Variants in MYO5A observed in about 807,000 individuals in gnomAD.
MYO5A encodes the protein myosin VA, also known as unconventional myosin-Va.
MYO5A carries 98 observed loss-of-function variants against 249.7 expected under a neutral mutation model. That is an observed-to-expected ratio of 0.39 (90% CI 0.33 to 0.46). MYO5A has a LOEUF of 0.46. Ranked by LOEUF, MYO5A falls within the 20% of genes least tolerant of loss-of-function variation. The pLI is 0.98. For missense variants in MYO5A, 1,696 were observed against 2,308.8 expected, an observed-to-expected ratio of 0.73 and a Z score of 5.44; for synonymous variants, 778 against 810.6, an observed-to-expected ratio of 0.96 and a Z score of 0.68.
intron 1 of MYO5A, among the ~76,000 whole-genome samples, chr15:52,468,985 C>T (rs1013957098): frequency 6.6e-6 from 1 of 152,022 alleles, no homozygotes; most frequent in African/African-American, 2.4e-5. Flanking sequence ...TTAAAATATA[C>T]ATATCCTTGA....
chr15:52,464,449 G>C (rs1300747477), intron 1 of MYO5A, among the ~76,000 whole-genome samples: 1 of 152,010 alleles, frequency 6.6e-6, no homozygotes, highest in Non-Finnish European at 1.5e-5. Context: ...CACTCTTCTG[G>C]TCTCAGTTTA....
chr15:52,452,389 C>T (rs1464965), intron 1 of MYO5A, among the ~76,000 whole-genome samples: 22,847 of 152,134 alleles, frequency 0.15, 1,827 homozygotes, highest in Middle Eastern at 0.22. Flanking sequence ...TTCCCTGCCA[C>T]CTTGGGTTAC....
In MYO5A at chr15:52,321,492, G is replaced by A. The variant is rs1305055721; in HGVS notation, c.4818C>T (p.Asn1606=). 1.2e-6 allele frequency: 2 copies of A among 1,614,094 alleles called. No individual in the cohort carries two copies. Among genetic ancestry groups the A allele is most frequent in the Non-Finnish European group, 1.7e-6 (2 of 1,180,046 alleles). The part of the protein sequence containing the change: ...YSGEEGFMKH[N]TSRQNEHCLT... ...GGCAGTGTTCATTCTGGCGAGATGT[G>A]TTGTGCTTCATAAAGCCCTAGAGTC... is the stretch of plus-strand genomic sequence containing the variant. The change falls in exon 38 of 42, where the codon AAC becomes AAT. Residue 1606 remains asparagine (N), a synonymous_variant. Transcript: ENST00000399233.
intron 9 of MYO5A, among the ~76,000 whole-genome samples, chr15:52,399,743 G>A (rs1426074159): frequency 2.0e-5 from 3 of 152,068 alleles, no homozygotes; most frequent in Non-Finnish European, 2.9e-5. Context: ...GTGATGCTGA[G>A]ATTTGGAGTA....
At position 52,428,366 on chromosome 15, in the gene MYO5A, C is replaced by T. The variant is rs752009773; in HGVS notation, c.310+32G>A. Reference sequence around the variant, plus strand: ...GCTATGTCCATTAGAGGAAAGAGTCCACAGTCTATTCGGAAAGCAAAGCAT... The same window carrying T: ...GCTATGTCCATTAGAGGAAAGAGTCTACAGTCTATTCGGAAAGCAAAGCAT... On this transcript the variant is annotated intron_variant, in intron 3 of 41. Coordinates refer to ENST00000399233, the MANE Select transcript of MYO5A (RefSeq NM_001382347.1). 8 of 1,595,472 alleles carry T rather than the reference C, an allele frequency of 5.0e-6. No homozygotes were observed. In the African/African-American group the frequency reaches 5.4e-5, roughly 11 times the overall value.
In MYO5A at chr15:52,500,337, T is replaced by G. The variant is rs556341249; in HGVS notation, c.27+28443A>C. ...TTGGAGAAATGTCTATTCAAATCCT[T>G]TGCCCATTTTTTTTTTTTTTTTTTT... On this transcript the variant is annotated intron_variant, in intron 1 of 41. Transcript: ENST00000399233. Among the ~76,000 whole-genome samples the G allele has an allele frequency of 3.4e-5, 4 of 118,392 alleles. No individual in the cohort carries two copies. The South Asian group carries it at 1.2e-3, about 36-fold the overall frequency. 77.7% of individuals were successfully genotyped at this position (118,392 alleles called of 152,430 possible). A position where few individuals can be genotyped will look rare whatever the true frequency, so the allele number is the denominator to read the frequency against.
rs147049342 is a variant in MYO5A at position 52,333,661 on chromosome 15, T to C, written c.4408+2802A>G. 6.2e-3 allele frequency among the ~76,000 whole-genome samples: 950 copies of C among 152,372 alleles called. 11 individuals are homozygous for C. Among genetic ancestry groups the C allele is most frequent in the African/African-American group, 0.022 (910 of 41,600 alleles). ...TTGAAACACTCTCCATTTAGCTATA[T>C]AGTTTCTGCCAAAAATTATATATGC... On this transcript the variant is annotated intron_variant, in intron 34 of 41. Transcript: ENST00000399233.
chr15:52,522,405 C>G (rs2077641416), intron 1 of MYO5A, among the ~76,000 whole-genome samples: 3 of 152,032 alleles, frequency 2.0e-5, no homozygotes, highest in South Asian at 4.1e-4. Context: ...GACAAACTCC[C>G]TAGGAAGATA....
In MYO5A at chr15:52,518,138, T is replaced by C. The variant is rs1355626696; in HGVS notation, c.27+10642A>G. ...CCCATCCCCACCATCCCAAGAGATA[T>C]CTAGCAATGTCTGTAGGCAATATTG... On this transcript the variant is annotated intron_variant, in intron 1 of 41. Transcript: ENST00000399233. Among the ~76,000 whole-genome samples, 3 of 152,100 alleles carry C rather than the reference T, an allele frequency of 2.0e-5. No individual in the cohort carries two copies. In the East Asian group the frequency reaches 5.8e-4, roughly 29 times the overall value.
chr15:52,467,181 C>T (rs1412367438), intron 1 of MYO5A, among the ~76,000 whole-genome samples: 2 of 152,098 alleles, frequency 1.3e-5, no homozygotes, highest in Middle Eastern at 3.2e-3. Context: ...AGATCCTAAG[C>T]AGAACAAAAA....
intron 1 of MYO5A, among the ~76,000 whole-genome samples, chr15:52,528,243 C>G (rs1254415134): frequency 1.3e-5 from 2 of 152,198 alleles, no homozygotes; most frequent in Non-Finnish European, 2.9e-5. Context: ...CGGGGCTCGC[C>G]ACCCCCAGCG....
At chr15:52,425,745 T>G in intron 4 of MYO5A, 85 bp downstream of exon 4, 8 of 1,467,510 alleles carry the variant, frequency 5.5e-6, no homozygotes, top group Non-Finnish European at 7.6e-6. Context: ...AGGTTGCCAT[T>G]CACTTTAAAA....
chr15:52,346,396 T>C lies in MYO5A; in HGVS notation c.3924A>G (p.Ile1308Met), dbSNP rs2039629577. ...CTTTCAAACCAATGTATGCTTGTGC[T>C]ATTTCACCTTTATCTTTCATTTTTT... ...DVQKMKDKGEIAQAYIGLKET... is the reference protein window; with the variant it reads ...DVQKMKDKGEMAQAYIGLKET... The change falls in exon 30 of 42, where the codon ATA (isoleucine) becomes ATG (methionine). Residue 1308 changes from isoleucine to methionine, a missense_variant. Physicochemically the swap from Ile to Met is conservative, Grantham distance 10. Coordinates refer to ENST00000399233, the MANE Select transcript of MYO5A (RefSeq NM_001382347.1). 1.9e-6 allele frequency: 3 copies of C among 1,606,488 alleles called. No homozygotes were observed. Among genetic ancestry groups the C allele is most frequent in the Non-Finnish European group, 2.6e-6 (3 of 1,173,588 alleles).
At chr15:52,471,699 G>A (rs1264939238) in intron 1 of MYO5A, among the ~76,000 whole-genome samples, 4 of 151,946 alleles carry the variant, frequency 2.6e-5, no homozygotes, top group Non-Finnish European at 5.9e-5. Flanking sequence ...TTATTTTTGG[G>A]GAGAGCTGGG....
At chr15:52,333,648 C>T (rs573956377) in intron 34 of MYO5A, among the ~76,000 whole-genome samples, 3 of 152,166 alleles carry the variant, frequency 2.0e-5, no homozygotes, top group Non-Finnish European at 4.4e-5. Context: ...GAAACACTCT[C>T]CATTTAGCTA....
At position 52,433,217 on chromosome 15, in the gene MYO5A, C is replaced by T; in HGVS notation, c.96G>A (p.Lys32=). The part of the protein sequence containing the change: ...WKSAELLKDY[K]PGDKVLLLHL... Reference sequence around the variant, plus strand: ...GAAGCAGGAGGACTTTATCTCCTGGCTTATAATCTTTGAGCAGCTCTGCTG... The same window carrying T: ...GAAGCAGGAGGACTTTATCTCCTGGTTTATAATCTTTGAGCAGCTCTGCTG... The change falls in exon 2 of 42, where the codon AAG becomes AAA. Residue 32 remains lysine (K), a synonymous_variant. Coordinates refer to ENST00000399233, the MANE Select transcript of MYO5A (RefSeq NM_001382347.1). 1.2e-6 allele frequency: 2 copies of T among 1,613,580 alleles called. No homozygotes were observed. Among genetic ancestry groups the T allele is most frequent in the Non-Finnish European group, 1.7e-6 (2 of 1,179,752 alleles).
At position 52,387,822 on chromosome 15, in the gene MYO5A, T is replaced by C. The variant is rs1427823339; in HGVS notation, c.1752+7A>G. ...TCCTGGATTAGAGTAAGCCTATCCATAGTTACCTTGCTTGATTTAAGAACT... is the reference window on the plus strand; with the variant it reads ...TCCTGGATTAGAGTAAGCCTATCCACAGTTACCTTGCTTGATTTAAGAACT... On this transcript the variant is annotated splice_region_variant and intron_variant, in intron 14 of 41. Transcript: ENST00000399233. 1.3e-6 allele frequency: 2 copies of C among 1,580,022 alleles called. No homozygotes were observed. Among genetic ancestry groups the C allele is most frequent in the Admixed American group, 1.7e-5 (1 of 59,962 alleles).
chr15:52,334,501 G>A (rs2039027672), intron 34 of MYO5A, among the ~76,000 whole-genome samples: 1 of 152,094 alleles, frequency 6.6e-6, no homozygotes, highest in Non-Finnish European at 1.5e-5. Flanking sequence ...TGTAATATAT[G>A]ACTCATGTAA....
At chr15:52,450,752 C>T (rs776070384) in intron 1 of MYO5A, among the ~76,000 whole-genome samples, 1 of 151,634 alleles carries the variant, frequency 6.6e-6, no homozygotes, top group Non-Finnish European at 1.5e-5. Flanking sequence ...ATCCTCCCAT[C>T]TCAGCCTCCC....
Sources: gnomAD v4.1 joint callset for allele counts (sites outside exome capture counted in the v4.1 genomes callset) on GRCh38, gnomAD v4.1.1 for gene constraint, MANE v1.5 for transcripts, NCBI Gene and HGNC (gene_info 2026-07-23, HGNC 2026-07-21) for gene names.